Variants in FBXO6 observed in about 807,000 individuals in gnomAD.
FBXO6 encodes F-box only protein 6.
A neutral mutation model predicts 25.0 loss-of-function variants in FBXO6; 13 were observed. The observed-to-expected ratio is 0.52, with a 90% CI of 0.34 to 0.83. FBXO6 has a LOEUF of 0.83. Among genes scored for constraint, FBXO6 ranks in the 40% least tolerant of loss-of-function variants. The pLI is 0.02. For synonymous variants in FBXO6, 138 were observed against 155.3 expected (o/e 0.89, Z 0.83); for missense variants, 370 against 380.2 (o/e 0.97, Z 0.22).
In FBXO6 at chr1:11,673,888, C is replaced by A; in HGVS notation, c.*37C>A. The A allele has an allele frequency of 1.3e-6, 2 of 1,598,400 alleles. No homozygotes were observed. Among genetic ancestry groups the A allele is most frequent in the South Asian group, 1.1e-5 (1 of 90,634 alleles). On this transcript the variant is annotated 3_prime_UTR_variant, in exon 6 of 6. Coordinates refer to ENST00000376753, the MANE Select transcript of FBXO6 (RefSeq NM_018438.6). The surrounding 1 kb of genome is among the most constrained non-coding windows in gnomAD (Gnocchi z 4.3). Reference sequence around the variant, plus strand: ...CCTGTGTCTGGGTCAGCCAGAGGTTCCTCCAGGCAGGAGCTGAGCATGGGG... The same window carrying A: ...CCTGTGTCTGGGTCAGCCAGAGGTTACTCCAGGCAGGAGCTGAGCATGGGG...
In FBXO6 at chr1:11,673,951, G is replaced by A. The variant is rs750907289; in HGVS notation, c.*100G>A. ...TCCCTGTACCAGCGACTCCTGCCCCGGTTCAACCCTACCAGCTTGTGGTAA... is the reference window on the plus strand; with the variant it reads ...TCCCTGTACCAGCGACTCCTGCCCCAGTTCAACCCTACCAGCTTGTGGTAA... On this transcript the variant is annotated 3_prime_UTR_variant, in exon 6 of 6. Coordinates refer to ENST00000376753, the MANE Select transcript of FBXO6 (RefSeq NM_018438.6). The surrounding 1 kb of genome is among the most constrained non-coding windows in gnomAD (Gnocchi z 4.3). 141 of 980,174 alleles carry A rather than the reference G, an allele frequency of 1.4e-4. 1 individual carries two copies. Among genetic ancestry groups the A allele is most frequent in the Non-Finnish European group, 1.9e-4 (119 of 623,238 alleles). The allele number at this position is 980,174 out of a possible 1,614,324, so 60.7% of individuals were successfully genotyped here. A position where few individuals can be genotyped will look rare whatever the true frequency, so the allele number is the denominator to read the frequency against.
At chr1:11,671,870 A>AGG (rs3215521) in intron 3 of FBXO6, 58 bp from the exon 4 acceptor site, 6 of 1,430,004 alleles carry the variant, frequency 4.2e-6, no homozygotes, top group East Asian at 4.7e-5. Flanking sequence ...GGCCTGGGTG[A>AGG]GGGGGGGGGC....
intron 4 of FBXO6, among the ~76,000 whole-genome samples, chr1:11,672,291 CT>C (rs71568344): frequency 7.3e-4 from 107 of 146,314 alleles, no homozygotes; most frequent in Non-Finnish European, 6.2e-4. Context: ...TGGACAGGCA[CT>C]TTTTTTTTTT....
Position 11,669,931 on chromosome 1 carries a change from C to T in FBXO6, c.286+987C>T, listed in dbSNP as rs374598678. 2.5e-3 allele frequency among the ~76,000 whole-genome samples: 351 copies of T among 140,392 alleles called. 2 individuals carry two copies. Among genetic ancestry groups the T allele is most frequent in the African/African-American group, 8.7e-3 (334 of 38,502 alleles). 92.1% of individuals were successfully genotyped at this position (140,392 alleles called of 152,430 possible). On this transcript the variant is annotated intron_variant, in intron 2 of 5. Transcript: ENST00000376753. ...GGATTACAGGCGTGAGCCACCACAC[C>T]GCCGGGGGCGGTGGCTCACGCCTGT...
At chr1:11,666,389 T>A (rs1351899885) in intron 1 of FBXO6, among the ~76,000 whole-genome samples, 1 of 150,724 alleles carries the variant, frequency 6.6e-6, no homozygotes, top group Non-Finnish European at 1.5e-5. Flanking sequence ...CTTTTCTTTT[T>A]TTTTTTTTTT....
In FBXO6 at chr1:11,671,872, G is replaced by A. The variant is rs942638573; in HGVS notation, c.414-56G>A. On this transcript the variant is annotated intron_variant, in intron 3 of 5. Coordinates refer to ENST00000376753, the MANE Select transcript of FBXO6 (RefSeq NM_018438.6). The stretch of plus-strand genomic sequence containing the variant: ...CAGGGGCTGCCAAGGCCTGGGTGAG[G>A]GGGGGGGCCATGCAGAGCACACCCA... 1.2e-5 allele frequency: 16 copies of A among 1,377,038 alleles called. No homozygotes were observed. The African/African-American group carries it at 3.5e-4, about 30-fold the overall frequency. 85.3% of individuals were successfully genotyped at this position (1,377,038 alleles called of 1,614,324 possible). A position where few individuals can be genotyped will look rare whatever the true frequency, so the allele number is the denominator to read the frequency against.
intron 1 of FBXO6, among the ~76,000 whole-genome samples, chr1:11,665,216 T>A: frequency 3.4e-5 from 1 of 29,270 alleles, no homozygotes; most frequent in African/African-American, 2.4e-4. Flanking sequence ...AGCTAATTTC[T>A]TTTTTTTTTT....
rs199862102 is a variant in FBXO6, at chr1:11,673,346, C to T, written c.579C>T (p.Phe193=). The T allele has an allele frequency of 1.1e-4, 182 of 1,614,092 alleles. 4 individuals carry two copies. In the South Asian group the frequency reaches 1.7e-3, roughly 15 times the overall value. The change falls in exon 5 of 6, where the codon TTC becomes TTT. Residue 193 remains phenylalanine (F), a synonymous_variant. Coordinates refer to ENST00000376753, the MANE Select transcript of FBXO6 (RefSeq NM_018438.6). The surrounding 1 kb of genome is among the most constrained non-coding windows in gnomAD (Gnocchi z 4.3). ...LKVQLASADY[F]VLASFEPPPV... is the part of the protein sequence containing the mutation. ...TGCAGCTGGCCTCGGCTGACTACTT[C>T]GTGTTGGCCTCCTTCGAGCCCCCAC...
chr1:11,672,975 T>C (rs980268340), intron 4 of FBXO6, among the ~76,000 whole-genome samples: 4 of 152,184 alleles, frequency 2.6e-5, no homozygotes, highest in African/African-American at 7.2e-5. Context: ...ACAGGTGACA[T>C]GGCTTGGACA....
rs1254918953 is a variant in FBXO6 at position 11,673,382 on chromosome 1, C to A, written c.615C>A (p.Ile205=). Residue 205 remains isoleucine (I), a synonymous_variant, in exon 5 of 6, where the codon ATC becomes ATA. Transcript: ENST00000376753. This position sits in a 1 kb window ranked among gnomAD's most constrained non-coding sequence, Gnocchi z 4.3. ...CCTTCGAGCCCCCACCTGTGACCATCCAACAGTGGAACAATGCCACATGGA... is the reference window on the plus strand; with the variant it reads ...CCTTCGAGCCCCCACCTGTGACCATACAACAGTGGAACAATGCCACATGGA... ...LASFEPPPVT[I]QQWNNATWTE... is the part of the protein sequence containing the mutation. 2 of 1,613,972 alleles carry A rather than the reference C, an allele frequency of 1.2e-6. No homozygotes were observed. Among genetic ancestry groups the A allele is most frequent in the East Asian group, 4.5e-5 (2 of 44,898 alleles).
intron 1 of FBXO6, 88 bp from the exon 2 acceptor site, chr1:11,668,568 G>C: frequency 6.6e-7 from 1 of 1,512,482 alleles, no homozygotes; most frequent in Non-Finnish European, 9.0e-7. Context: ...GGCTAATGCA[G>C]GGTTGGAGAG....
rs938238249 is a variant in FBXO6 at position 11,664,227 on chromosome 1, A to C, written c.-32A>C. 4.0e-5 allele frequency: 6 copies of C among 151,818 alleles called. No homozygotes were observed. Among genetic ancestry groups the C allele is most frequent in the African/African-American group, 1.5e-4 (6 of 41,224 alleles). The allele number at this position is 151,818 out of a possible 1,614,324, so 9.4% of individuals were successfully genotyped here. On this transcript the variant is annotated 5_prime_UTR_variant, in exon 1 of 6. Coordinates refer to ENST00000376753, the MANE Select transcript of FBXO6 (RefSeq NM_018438.6). ...GACAGCTTCAGGACACGCAGGCCGC[A>C]GCGAGGGCCCGGGCCCTGGGGATCC...
At chr1:11,672,148 CG>C (rs1640636259) in intron 4 of FBXO6, 125 bp downstream of exon 4, 1 of 813,742 alleles carries the variant, frequency 1.2e-6, no homozygotes, top group Admixed American at 2.2e-5. Context: ...CAGGTAGCCC[CG>C]GCCTCCGCCC....
At position 11,673,998 on chromosome 1, in the gene FBXO6, C is replaced by T. The variant is rs936470578; in HGVS notation, c.*147C>T. ...GTAACTTACTGTCACATAGCTCTGACGTTTTGTTGTAATAAATGTTTTCAG... is the reference window on the plus strand; with the variant it reads ...GTAACTTACTGTCACATAGCTCTGATGTTTTGTTGTAATAAATGTTTTCAG... On this transcript the variant is annotated 3_prime_UTR_variant, in exon 6 of 6. Coordinates refer to ENST00000376753, the MANE Select transcript of FBXO6 (RefSeq NM_018438.6). This position sits in a 1 kb window ranked among gnomAD's most constrained non-coding sequence, Gnocchi z 4.3. 1.3e-5 allele frequency: 9 copies of T among 685,948 alleles called. No homozygotes were observed. Among genetic ancestry groups the T allele is most frequent in the African/African-American group, 8.9e-5 (5 of 55,880 alleles). 42.5% of individuals were successfully genotyped at this position (685,948 alleles called of 1,614,324 possible). A position where few individuals can be genotyped will look rare whatever the true frequency, so the allele number is the denominator to read the frequency against.
intron 2 of FBXO6, among the ~76,000 whole-genome samples, chr1:11,670,207 C>A: frequency 1.4e-5 from 2 of 144,900 alleles, no homozygotes; most frequent in South Asian, 2.2e-4. Flanking sequence ...AGCAAGACTC[C>A]GTCTCAAAAA....
At position 11,673,316 on chromosome 1, in the gene FBXO6, CA is replaced by C. The variant is rs1405596738; in HGVS notation, c.552del (p.Val185CysfsTer19). On this transcript the variant is annotated frameshift_variant, in exon 5 of 6. Coordinates refer to ENST00000376753, the MANE Select transcript of FBXO6 (RefSeq NM_018438.6). LOFTEE classifies it high-confidence loss of function. This position sits in a 1 kb window ranked among gnomAD's most constrained non-coding sequence, Gnocchi z 4.3. ...RADCGCTYQL[K>X]VQLASADYFV... ...CCGACTGTGGCTGCACCTACCAACT[CA>C]AAGTGCAGCTGGCCTCGGCTGACTA... The C allele has an allele frequency of 6.2e-7, 1 of 1,613,918 alleles. No homozygotes were observed. Among genetic ancestry groups the C allele is most frequent in the African/African-American group, 1.3e-5 (1 of 74,944 alleles).
In FBXO6 at chr1:11,673,801, C is replaced by T. The variant is rs780568576; in HGVS notation, c.832C>T (p.Gln278Ter). The change falls in exon 6 of 6, where the codon CAG becomes TAG. Residue 278 changes from glutamine (Q) to a stop codon, truncating the protein, a stop_gained. Coordinates refer to ENST00000376753, the MANE Select transcript of FBXO6 (RefSeq NM_018438.6). LOFTEE classifies it low-confidence loss of function (END_TRUNC). This position sits in a 1 kb window ranked among gnomAD's most constrained non-coding sequence, Gnocchi z 4.3. ...GGCTCAGCCTGGGCAGAAGCATGGA[C>T]AGGAGGAGGCTGCCCAATCGCCCTA... ...SEAQPGQKHG[Q>*]EEAAQSPYRA... 2.5e-6 allele frequency: 4 copies of T among 1,614,014 alleles called. No individual in the cohort carries two copies. Among genetic ancestry groups the T allele is most frequent in the Admixed American group, 3.3e-5 (2 of 60,010 alleles).
At chr1:11,672,327 C>T (rs2100698408) in intron 4 of FBXO6, among the ~76,000 whole-genome samples, 1 of 152,188 alleles carries the variant, frequency 6.6e-6, no homozygotes, top group Middle Eastern at 3.4e-3. Flanking sequence ...CGCTCTGTCA[C>T]CCAGGCTGGA....
chr1:11,673,234 GC>G lies in FBXO6; in HGVS notation c.510-40del. On this transcript the variant is annotated intron_variant, in intron 4 of 5. Coordinates refer to ENST00000376753, the MANE Select transcript of FBXO6 (RefSeq NM_018438.6). The surrounding 1 kb of genome is among the most constrained non-coding windows in gnomAD (Gnocchi z 4.3). The stretch of plus-strand genomic sequence containing the variant: ...CCACCTGCCCCCACCCCTGGGGCCA[GC>G]CCTCGGTGGCTTGGACACAGGGCTC... 1 of 1,581,156 alleles carries G rather than the reference GC, an allele frequency of 6.3e-7. No individual in the cohort carries two copies.
Sources: allele counts gnomAD v4.1 joint callset (sites outside exome capture counted in the v4.1 genomes callset), GRCh38; gene constraint gnomAD v4.1.1; non-coding constraint Gnocchi (gnomAD v3.1); transcripts MANE v1.5; gene names NCBI Gene and HGNC (gene_info 2026-07-23, HGNC 2026-07-21).